IRAG1: variants seen among roughly 807,000 people sequenced by gnomAD.
IRAG1 encodes the protein IP3R-associated cGMP kinase substrate.
IRAG1 carries 62 observed loss-of-function variants against 106.2 expected under a neutral mutation model. That is an observed-to-expected ratio of 0.58 (90% CI 0.48 to 0.72). The LOEUF (loss-of-function observed/expected upper bound fraction) is 0.72. IRAG1 is among the 30% of genes least tolerant of loss of function. IRAG1 has a pLI of 0.00. For missense variants in IRAG1, 1,064 were observed against 1,140.7 expected (o/e 0.93, Z 0.97); for synonymous variants, 462 against 443.9 (o/e 1.04, Z -0.51).
Position 10,641,224 on chromosome 11 carries a change from C to A in IRAG1, c.226-7153G>T, listed in dbSNP as rs539264213. 1.5e-4 allele frequency among the ~76,000 whole-genome samples: 23 copies of A among 152,350 alleles called. No homozygotes were observed. The East Asian group carries it at 4.4e-3, about 29-fold the overall frequency. On this transcript the variant is annotated intron_variant, in intron 2 of 20. Transcript: ENST00000423302. ...CCTAGATGGCAAGCCTGTGGAAGTGCACCTAGCACTGAGCAAATGCTCACT... is the reference window on the plus strand; with the variant it reads ...CCTAGATGGCAAGCCTGTGGAAGTGAACCTAGCACTGAGCAAATGCTCACT...
Position 10,604,537 on chromosome 11 carries a change from A to G in IRAG1, c.1611T>C (p.Phe537=). Residue 537 remains phenylalanine (F), a synonymous_variant, in exon 13 of 21, where the codon TTT becomes TTC. Transcript: ENST00000423302. The part of the protein sequence containing the change: ...PLTEKEVENV[F]VQLSLAFRND... ...TTCTAAAGGCCAAGGACAGTTGCACAAACACGTTCTGTTGGGAACAAGGGT... is the reference window on the plus strand; with the variant it reads ...TTCTAAAGGCCAAGGACAGTTGCACGAACACGTTCTGTTGGGAACAAGGGT... 6.2e-7 allele frequency: 1 copy of G among 1,614,074 alleles called. No homozygotes were observed. The highest frequency in any genetic ancestry group is 1.1e-5 in the South Asian group (1 of 91,088).
chr11:10,626,125 G>C lies in IRAG1; in HGVS notation c.1209C>G (p.Gly403=), dbSNP rs1856227003. Reference sequence around the variant, plus strand: ...TGGCAAGCACTTTCTGCAGCCGGGGGCCAGGTTCTTCAGGGCCACTGTCCC... The same window carrying C: ...TGGCAAGCACTTTCTGCAGCCGGGGCCCAGGTTCTTCAGGGCCACTGTCCC... The part of the protein sequence containing the change: ...LSWDSGPEEP[G]PRLQKVLAKL... The change falls in exon 9 of 21, where the codon GGC becomes GGG. Residue 403 remains glycine (G), a synonymous_variant. Transcript: ENST00000423302. 6.5e-7 allele frequency: 1 copy of C among 1,542,616 alleles called. No homozygotes were observed. The highest frequency in any genetic ancestry group is 1.2e-5 in the South Asian group (1 of 81,454).
At chr11:10,622,896 C>CACACACACACACACACACAT (rs543628217) in intron 10 of IRAG1, among the ~76,000 whole-genome samples, 15 of 152,076 alleles carry the variant, frequency 9.9e-5, no homozygotes, top group East Asian at 1.9e-4. Context: ...CACACACACA[C>CACACACACACACACACACAT]ACACACTCCT....
At chr11:10,634,113 G>T in intron 2 of IRAG1, 42 bp from the exon 3 acceptor site, 1 of 1,309,784 alleles carries the variant, frequency 7.6e-7, no homozygotes, top group Non-Finnish European at 1.1e-6. Flanking sequence ...GCTTGGGCTG[G>T]TGGGACTTCC....
intron 1 of IRAG1, chr11:10,687,733 G>T: frequency 1.6e-6 from 2 of 1,289,028 alleles, no homozygotes; most frequent in Non-Finnish European, 2.0e-6. Context: ...GACTGTGGAT[G>T]GTCAGAGCCT....
At position 10,626,501 on chromosome 11, in the gene IRAG1, G is replaced by A. The variant is rs1564914896; in HGVS notation, c.833C>T (p.Pro278Leu). Residue 278 changes from proline (P) to leucine (L), a missense_variant, in exon 9 of 21, where the codon CCA becomes CTA. By Grantham distance (98) the Pro-to-Leu change is moderately conservative. Transcript: ENST00000423302. Reference sequence around the variant, plus strand: ...TGCAATCTCTTTGGACTTCTCAACTGGAGGAGGACGAGGAGCCAGCCTGCC... The same window carrying A: ...TGCAATCTCTTTGGACTTCTCAACTAGAGGAGGACGAGGAGCCAGCCTGCC... The part of the protein sequence containing the change: ...SQGRLAPRPP[P>L]VEKSKEIAIE... 3.1e-6 allele frequency: 5 copies of A among 1,613,578 alleles called. No individual in the cohort carries two copies. In the South Asian group the frequency reaches 5.5e-5, roughly 18 times the overall value.
In IRAG1 at chr11:10,623,806, G is replaced by A. The variant is rs766016697; in HGVS notation, c.1419C>T (p.Asp473=). The change falls in exon 10 of 21, where the codon GAC becomes GAT. Residue 473 remains aspartate, a synonymous_variant. Transcript: ENST00000423302. ...TTTCCTGCTCAGCTGCTTCACTAAG[G>A]TCTGGAAGCTTGAGCCCCACTAAGT... ...NQNLVGLKLP[D]LSEAAEQEKG... 6.2e-7 allele frequency: 1 copy of A among 1,614,068 alleles called. No homozygotes were observed. Among genetic ancestry groups the A allele is most frequent in the Non-Finnish European group, 8.5e-7 (1 of 1,179,904 alleles).
intron 4 of IRAG1, 66 bp from the exon 5 acceptor site, chr11:10,629,777 A>AT (rs1856547825): frequency 2.0e-6 from 3 of 1,502,612 alleles, no homozygotes; most frequent in Non-Finnish European, 2.7e-6. Flanking sequence ...AGGTCATGCC[A>AT]TACCATGCCT....
chr11:10,579,818 T>C (rs1235352711), intron 20 of IRAG1, among the ~76,000 whole-genome samples: 2 of 152,216 alleles, frequency 1.3e-5, no homozygotes, highest in African/African-American at 2.4e-5. Context: ...TACAGGTCTA[T>C]ATTCTCTTTA....
intron 2 of IRAG1, 143 bp downstream of exon 2, chr11:10,651,882 C>T: frequency 1.0e-6 from 1 of 996,374 alleles, no homozygotes; most frequent in Non-Finnish European, 1.4e-6. Context: ...AGTATGGAAG[C>T]CACACACCTT....
chr11:10,643,354 C>T (rs10840453), intron 2 of IRAG1, among the ~76,000 whole-genome samples: 33,440 of 152,054 alleles, frequency 0.22, 4,354 homozygotes, highest in Middle Eastern at 0.35. Flanking sequence ...AAAGGCTCCC[C>T]GGTGTCTTCC....
At position 10,626,480 on chromosome 11, in the gene IRAG1, A is replaced by G. The variant is rs980062384; in HGVS notation, c.854T>C (p.Ile285Thr). Residue 285 changes from isoleucine (I) to threonine (T), a missense_variant, in exon 9 of 21, where the codon ATT becomes ACT. Physicochemically the swap from Ile to Thr is moderately conservative, Grantham distance 89 (BLOSUM62 -1). Coordinates refer to ENST00000423302, the MANE Select transcript of IRAG1 (RefSeq NM_130385.4). Reference protein sequence around the residue: ...RPPPVEKSKEIAIEQKENFDP... With the variant: ...RPPPVEKSKETAIEQKENFDP... ...GAAGTTTTCCTTTTGTTCTATTGCAATCTCTTTGGACTTCTCAACTGGAGG... is the reference window on the plus strand; with the variant it reads ...GAAGTTTTCCTTTTGTTCTATTGCAGTCTCTTTGGACTTCTCAACTGGAGG... 3.7e-6 allele frequency: 6 copies of G among 1,613,320 alleles called. No individual in the cohort carries two copies. Among genetic ancestry groups the G allele is most frequent in the African/African-American group, 2.7e-5 (2 of 74,778 alleles).
At chr11:10,678,991 C>T (rs1478557430) in intron 1 of IRAG1, among the ~76,000 whole-genome samples, 3 of 152,176 alleles carry the variant, frequency 2.0e-5, no homozygotes, top group Non-Finnish European at 4.4e-5. Context: ...AGAGCTTCCC[C>T]TTCCCTTTCT....
rs2134026907 is a variant in IRAG1, at chr11:10,573,842, C to G, written c.*2490G>C. ...CCACCTGGAGTTCTGCTTCCACGGC[C>G]ACTCTCTAGAACTCTATTTGCATCC... is the stretch of plus-strand genomic sequence containing the variant. On this transcript the variant is annotated 3_prime_UTR_variant, in exon 21 of 21. Transcript: ENST00000423302. 6.6e-6 allele frequency: 1 copy of G among 152,392 alleles called. No homozygotes were observed. The highest frequency in any genetic ancestry group is 2.1e-4 in the South Asian group (1 of 4,826). The allele number at this position is 152,392 out of a possible 1,614,324, so 9.4% of individuals were successfully genotyped here. A position where few individuals can be genotyped will look rare whatever the true frequency, so the allele number is the denominator to read the frequency against.
chr11:10,597,403 G>A (rs1853448226), intron 15 of IRAG1, among the ~76,000 whole-genome samples: 1 of 152,212 alleles, frequency 6.6e-6, no homozygotes, highest in African/African-American at 2.4e-5. Flanking sequence ...ACAGCTCACT[G>A]AAGCCTTGAC....
intron 4 of IRAG1, among the ~76,000 whole-genome samples, chr11:10,630,269 C>T (rs1856586193): frequency 6.6e-6 from 1 of 152,160 alleles, no homozygotes; most frequent in African/African-American, 2.4e-5. Flanking sequence ...CCCTCTTCCT[C>T]CCTCCCCCAA....
Position 10,574,526 on chromosome 11 carries a change from C to T in IRAG1, c.*1806G>A, listed in dbSNP as rs1371116356. 6.6e-6 allele frequency: 1 copy of T among 152,028 alleles called. No homozygotes were observed. Among genetic ancestry groups the T allele is most frequent in the East Asian group, 1.9e-4 (1 of 5,190 alleles). 9.4% of individuals were successfully genotyped at this position (152,028 alleles called of 1,614,324 possible). A position where few individuals can be genotyped will look rare whatever the true frequency, so the allele number is the denominator to read the frequency against. ...AATGTTTAAAACGTGCCAGAAAGCA[C>T]AGAGGAGTGTGTGACCTATTATGTT... On this transcript the variant is annotated 3_prime_UTR_variant, in exon 21 of 21. Transcript: ENST00000423302.
chr11:10,576,844 A>G (rs1850863594), intron 20 of IRAG1, among the ~76,000 whole-genome samples: 3 of 152,202 alleles, frequency 2.0e-5, no homozygotes, highest in African/African-American at 7.2e-5. Context: ...GTTGAGAGCT[A>G]CTTATCTAGA....
intron 2 of IRAG1, among the ~76,000 whole-genome samples, chr11:10,634,753 TTGTGTGTGTGTGTGTGTGTG>T (rs57266330): frequency 6.9e-6 from 1 of 144,936 alleles, no homozygotes; most frequent in East Asian, 2.1e-4. Flanking sequence ...AATAATATTC[TTGTGTGTGTGTGTGTGTGTG>T]TGTGTGTGTG....
Sources: gnomAD v4.1 joint callset for allele counts (sites outside exome capture counted in the v4.1 genomes callset) on GRCh38, gnomAD v4.1.1 for gene constraint, MANE v1.5 for transcripts, NCBI Gene and HGNC (gene_info 2026-07-23, HGNC 2026-07-21) for gene names.